The following RAD54B variants were observed in gnomAD, a reference collection of about 807,000 sequenced individuals.
RAD54B encodes RAD54 homolog B, also known as DNA repair and recombination protein RAD54B.
A neutral mutation model predicts 95.8 loss-of-function variants in RAD54B; 78 were observed. That is an observed-to-expected ratio of 0.81 (90% CI 0.68 to 0.98). The LOEUF is 0.98. RAD54B is among the 50% of genes least tolerant of loss of function. RAD54B has a pLI of 0.00. For missense variants in RAD54B, 957 were observed against 1,056.6 expected, an observed-to-expected ratio of 0.91 and a Z score of 1.31; for synonymous variants, 328 against 354.9, an observed-to-expected ratio of 0.92 and a Z score of 0.85.
chr8:94,408,173 T>C (rs1458146160), intron 4 of RAD54B, among the ~76,000 whole-genome samples: 2 of 152,178 alleles, frequency 1.3e-5, no homozygotes, highest in Non-Finnish European at 2.9e-5. Flanking sequence ...CCACATGAGA[T>C]AGCAAAGTTA....
At chr8:94,384,970 G>A (rs1026572657) in intron 11 of RAD54B, among the ~76,000 whole-genome samples, 6 of 152,118 alleles carry the variant, frequency 3.9e-5, no homozygotes, top group Non-Finnish European at 8.8e-5. Flanking sequence ...GGGCTTGATA[G>A]CACATTCCTG....
intron 14 of RAD54B, chr8:94,373,140 A>G (rs1586111876): frequency 6.6e-6 from 1 of 152,258 alleles, no homozygotes. Flanking sequence ...CATGATAAGC[A>G]CATTAAAAAG....
intron 3 of RAD54B, among the ~76,000 whole-genome samples, chr8:94,454,840 G>A (rs1351372751): frequency 1.3e-5 from 2 of 152,170 alleles, no homozygotes; most frequent in African/African-American, 4.8e-5. Context: ...TAACTTATCT[G>A]AGAATTTATA....
At chr8:94,430,977 C>T (rs987563056) in intron 3 of RAD54B, 3 of 985,274 alleles carry the variant, frequency 3.0e-6, no homozygotes, top group Non-Finnish European at 2.4e-6. Context: ...TTTTTTCCAG[C>T]GTCTCACTCT....
intron 3 of RAD54B, among the ~76,000 whole-genome samples, chr8:94,448,280 T>C (rs897762953): frequency 6.6e-6 from 1 of 152,036 alleles, no homozygotes; most frequent in African/African-American, 2.4e-5. Flanking sequence ...CCAAGCAAGA[T>C]CCTGTCTCCT....
At chr8:94,455,064 C>T (rs1018655823) in intron 3 of RAD54B, among the ~76,000 whole-genome samples, 1 of 152,184 alleles carries the variant, frequency 6.6e-6, no homozygotes, top group South Asian at 2.1e-4. Flanking sequence ...CCTCGAGATA[C>T]TACTTCCTTC....
chr8:94,423,068 C>T (rs561882134), intron 3 of RAD54B, among the ~76,000 whole-genome samples: 12 of 151,962 alleles, frequency 7.9e-5, no homozygotes, highest in Admixed American at 2.6e-4. Context: ...CATTATTACC[C>T]AATTTTTATT....
intron 3 of RAD54B, among the ~76,000 whole-genome samples, chr8:94,434,501 T>C (rs1812203996): frequency 6.6e-6 from 1 of 151,796 alleles, no homozygotes; most frequent in Admixed American, 6.6e-5. Context: ...AGAAAATAAA[T>C]AGCCTTACAA....
intron 3 of RAD54B, among the ~76,000 whole-genome samples, chr8:94,448,428 T>C (rs767957570): frequency 6.6e-6 from 1 of 151,988 alleles, no homozygotes; most frequent in Admixed American, 6.6e-5. Flanking sequence ...AAATTAAAAA[T>C]AGAACTACCA....
intron 2 of RAD54B, among the ~76,000 whole-genome samples, chr8:94,466,378 GA>G (rs2130197414): frequency 6.6e-6 from 1 of 151,724 alleles, no homozygotes; most frequent in East Asian, 1.9e-4. Flanking sequence ...AACAGTAAAT[GA>G]GACACATTAA....
At chr8:94,377,511 G>C (rs1281150696) in intron 14 of RAD54B, among the ~76,000 whole-genome samples, 1 of 127,670 alleles carries the variant, frequency 7.8e-6, no homozygotes, top group East Asian at 2.5e-4. Context: ...ACTCCAGCCT[G>C]GGCAACAGAG....
At chr8:94,456,881 G>C (rs1812791952) in intron 3 of RAD54B, among the ~76,000 whole-genome samples, 1 of 152,136 alleles carries the variant, frequency 6.6e-6, no homozygotes, top group African/African-American at 2.4e-5. Context: ...CAAGAAACAG[G>C]AGGGTATCAG....
chr8:94,398,516 G>A (rs1432312247), intron 8 of RAD54B, among the ~76,000 whole-genome samples: 3 of 152,076 alleles, frequency 2.0e-5, no homozygotes, highest in African/African-American at 7.2e-5. Context: ...TCAGAGAGCT[G>A]TGACATGCAT....
chr8:94,469,826 T>A (rs1813123467), intron 1 of RAD54B, among the ~76,000 whole-genome samples: 1 of 152,232 alleles, frequency 6.6e-6, no homozygotes, highest in Non-Finnish European at 1.5e-5. Flanking sequence ...TAATTCTACT[T>A]GTTTTTACTA....
Position 94,434,800 on chromosome 8 carries a change from C to T in RAD54B, c.304+23468G>A, listed in dbSNP as rs1812210751. On this transcript the variant is annotated intron_variant, in intron 3 of 14. Coordinates refer to ENST00000336148, the MANE Select transcript of RAD54B (RefSeq NM_012415.3). ...GTTTCTTATATTCTTCCCTTTAAAA[C>T]CTAACAAATTGGTATTATTTAAGCC... is the stretch of plus-strand genomic sequence containing the variant. Among the ~76,000 whole-genome samples, 3 of 151,512 alleles carry T rather than the reference C, an allele frequency of 2.0e-5. No homozygotes were observed. In the South Asian group the frequency reaches 6.2e-4, roughly 32 times the overall value.
chr8:94,413,116 T>G (rs1054110782), intron 3 of RAD54B, among the ~76,000 whole-genome samples: 4 of 152,210 alleles, frequency 2.6e-5, no homozygotes, highest in Non-Finnish European at 1.5e-5. Context: ...GAACATTCAA[T>G]TTTGTTAAGA....
chr8:94,461,400 C>T (rs1812900958), intron 2 of RAD54B, among the ~76,000 whole-genome samples: 1 of 151,158 alleles, frequency 6.6e-6, no homozygotes, highest in Middle Eastern at 3.4e-3. Flanking sequence ...AACTCCTGAC[C>T]TCAGGTGATC....
intron 11 of RAD54B, among the ~76,000 whole-genome samples, chr8:94,384,302 A>G (rs1170521788): frequency 6.6e-6 from 1 of 152,202 alleles, no homozygotes; most frequent in Non-Finnish European, 1.5e-5. Flanking sequence ...CATACAATGG[A>G]ATATTGTTTA....
chr8:94,436,413 G>A (rs1283479846), intron 3 of RAD54B: 3 of 1,416,970 alleles, frequency 2.1e-6, no homozygotes, highest in Non-Finnish European at 2.8e-6. Context: ...TGCTTACTAT[G>A]CATATCTCTA....
Sources: allele counts gnomAD v4.1 joint callset (sites outside exome capture counted in the v4.1 genomes callset), GRCh38; gene constraint gnomAD v4.1.1; transcripts MANE v1.5; gene names NCBI Gene and HGNC (gene_info 2026-07-23, HGNC 2026-07-21).